ANKAR: variants seen among roughly 807,000 people sequenced by gnomAD.
The protein encoded by ANKAR is ankyrin and armadillo repeat containing, also known as ankyrin and armadillo repeat-containing protein.
Under a neutral mutation model 146.2 loss-of-function variants are expected in ANKAR, and 136 were observed. That is an observed-to-expected ratio of 0.93 (90% CI 0.81 to 1.07). The LOEUF (loss-of-function observed/expected upper bound fraction) is 1.07, where lower values mean the gene tolerates loss of function less well. ANKAR is among the 50% of genes least tolerant of loss of function. ANKAR has a pLI of 0.00. For synonymous variants in ANKAR, 500 were observed against 575.8 expected, an observed-to-expected ratio of 0.87 and a Z score of 1.88; for missense variants, 1,567 against 1,679.9, an observed-to-expected ratio of 0.93 and a Z score of 1.18.
rs115270501 is a variant in ANKAR, at chr2:189,741,290, A to G, written c.3701-52A>G. 8.1e-3 allele frequency: 11,066 copies of G among 1,373,708 alleles called. 70 individuals are homozygous for G. Among genetic ancestry groups the G allele is most frequent in the Non-Finnish European group, 9.0e-3 (8,958 of 995,940 alleles). 85.1% of individuals were successfully genotyped at this position (1,373,708 alleles called of 1,614,324 possible). On this transcript the variant is annotated intron_variant, in intron 19 of 22. Transcript: ENST00000684021. ...GCTATGTGCAATTAATGAAAGTATT[A>G]TAAGTTTATATCAATTAAATAACAC...
intron 2 of ANKAR, among the ~76,000 whole-genome samples, chr2:189,685,196 A>G (rs1228473251): frequency 6.6e-6 from 1 of 151,396 alleles, no homozygotes. Flanking sequence ...TATTTTTTGT[A>G]GAATGTTGTC....
At position 189,717,329 on chromosome 2, in the gene ANKAR, T is replaced by A. The variant is rs10168297; in HGVS notation, c.2225-2243T>A. Among the ~76,000 whole-genome samples, 488 of 152,152 alleles carry A rather than the reference T, an allele frequency of 3.2e-3. 1 individual carries two copies. Among genetic ancestry groups the A allele is most frequent in the African/African-American group, 0.011 (474 of 41,510 alleles). Reference sequence around the variant, plus strand: ...GACATTTATGTAGACAACAGACACATGAAAAAACGCTCATCATCACTGGCC... The same window carrying A: ...GACATTTATGTAGACAACAGACACAAGAAAAAACGCTCATCATCACTGGCC... On this transcript the variant is annotated intron_variant, in intron 10 of 22. Transcript: ENST00000684021.
At chr2:189,691,614 GA>G (rs989313058) in intron 3 of ANKAR, among the ~76,000 whole-genome samples, 23 of 151,438 alleles carry the variant, frequency 1.5e-4, no homozygotes, top group African/African-American at 5.3e-4. Context: ...ACAATGTTTT[GA>G]GCATACTTTT....
In ANKAR at chr2:189,739,859, G is replaced by A. The variant is rs374091922; in HGVS notation, c.3700+1177G>A. 7.2e-5 allele frequency among the ~76,000 whole-genome samples: 11 copies of A among 152,228 alleles called. No individual in the cohort carries two copies. The East Asian group carries it at 1.5e-3, about 21-fold the overall frequency. ...TTACAGGTATGAGCCACCACACCTG[G>A]CCTCCACAAACTCTTATAGGAAAGA... On this transcript the variant is annotated intron_variant, in intron 19 of 22. Coordinates refer to ENST00000684021, the MANE Select transcript of ANKAR (RefSeq NM_001378068.1).
intron 2 of ANKAR, among the ~76,000 whole-genome samples, chr2:189,677,703 G>T (rs1346706362): frequency 6.7e-6 from 1 of 149,992 alleles, no homozygotes; most frequent in African/African-American, 2.5e-5. Flanking sequence ...TGGAGATGGG[G>T]TCTCCCTGTG....
intron 2 of ANKAR, among the ~76,000 whole-genome samples, chr2:189,683,023 G>T (rs1263480311): frequency 1.3e-5 from 2 of 152,182 alleles, no homozygotes; most frequent in African/African-American, 4.8e-5. Context: ...GACCCCTCAT[G>T]AATGGGATTA....
At chr2:189,693,023 T>G in intron 4 of ANKAR, 51 bp from the exon 5 acceptor site, 2 of 919,574 alleles carry the variant, frequency 2.2e-6, no homozygotes, top group Non-Finnish European at 3.3e-6. Context: ...TTCTTATAAT[T>G]GTTTAGATGT....
intron 10 of ANKAR, among the ~76,000 whole-genome samples, chr2:189,718,745 C>CTT (rs11377626): frequency 0.021 from 2,905 of 139,074 alleles, 84 homozygotes; most frequent in African/African-American, 0.046. Context: ...TTTCTATTTT[C>CTT]TTTTTTTTTT....
intron 9 of ANKAR, among the ~76,000 whole-genome samples, chr2:189,709,343 T>G (rs1301341247): frequency 6.6e-6 from 1 of 152,142 alleles, no homozygotes. Flanking sequence ...AACACAGCAG[T>G]GTATATAAAT....
At chr2:189,747,912 C>G (rs566078247), downstream of ANKAR, among the ~76,000 whole-genome samples, 1 of 152,236 alleles carries the variant, frequency 6.6e-6, no homozygotes, top group South Asian at 2.1e-4. Flanking sequence ...TCTTGAACTC[C>G]TGACATCAGG....
At chr2:189,719,092 T>G (rs921586528) in intron 10 of ANKAR, among the ~76,000 whole-genome samples, 7 of 152,268 alleles carry the variant, frequency 4.6e-5, no homozygotes, top group Admixed American at 2.0e-4. Context: ...CTATTGTAAT[T>G]AATGAGACTA....
chr2:189,735,243 C>A (rs1574711612), intron 17 of ANKAR, among the ~76,000 whole-genome samples: 1 of 152,054 alleles, frequency 6.6e-6, no homozygotes, highest in Admixed American at 6.6e-5. Flanking sequence ...CTCTCTGGAC[C>A]CTGCATTTGG....
intron 7 of ANKAR, among the ~76,000 whole-genome samples, chr2:189,700,416 G>A (rs958863060): frequency 6.6e-6 from 1 of 152,024 alleles, no homozygotes; most frequent in Admixed American, 6.6e-5. Flanking sequence ...TTTAATTTCT[G>A]TGTGTACATA....
At chr2:189,722,890 AAAAG>A (rs2041465997) in intron 12 of ANKAR, among the ~76,000 whole-genome samples, 3 of 152,036 alleles carry the variant, frequency 2.0e-5, no homozygotes, top group Non-Finnish European at 4.4e-5. Flanking sequence ...AAAAAAAAAA[AAAAG>A]AAAAGAAAAC....
At chr2:189,751,444 G>GTT (rs779920289), downstream of ANKAR, among the ~76,000 whole-genome samples, 180 of 126,106 alleles carry the variant, frequency 1.4e-3, 1 homozygote, top group African/African-American at 2.3e-3. Flanking sequence ...GACAAGTTGT[G>GTT]TTTTTTTTTT....
At chr2:189,688,985 G>T (rs574265496) in intron 2 of ANKAR, among the ~76,000 whole-genome samples, 1 of 152,216 alleles carries the variant, frequency 6.6e-6, no homozygotes, top group South Asian at 2.1e-4. Context: ...AGCATCTGTT[G>T]GTGAACGGGC....
intron 18 of ANKAR, chr2:189,755,447 A>G: frequency 6.2e-7 from 1 of 1,607,618 alleles, no homozygotes; most frequent in Non-Finnish European, 8.5e-7. Context: ...GGTAGTTGCA[A>G]TTGCTGAGAG....
At chr2:189,745,027 C>CTACTACTAATAATAATAATAATAATAA (rs376824673) in intron 22 of ANKAR, among the ~76,000 whole-genome samples, 55 of 131,118 alleles carry the variant, frequency 4.2e-4, no homozygotes, top group East Asian at 3.3e-3. Context: ...ACTACTACTA[C>CTACTACTAATAATAATAATAATAATAA]TAATAATACA....
intron 2 of ANKAR, among the ~76,000 whole-genome samples, chr2:189,677,948 A>G (rs2034011712): frequency 6.6e-6 from 1 of 152,178 alleles, no homozygotes; most frequent in African/African-American, 2.4e-5. Context: ...CTCTGGGTAG[A>G]TACCTGGTAG....
Sources: allele counts gnomAD v4.1 joint callset (sites outside exome capture counted in the v4.1 genomes callset), GRCh38; gene constraint gnomAD v4.1.1; transcripts MANE v1.5; gene names NCBI Gene and HGNC (gene_info 2026-07-23, HGNC 2026-07-21).